Variants in XIRP2 observed in about 807,000 individuals in gnomAD.
XIRP2 encodes xin actin-binding repeat-containing protein 2.
Under a neutral mutation model 277.0 loss-of-function variants are expected in XIRP2, and 236 were observed. The observed-to-expected ratio is 0.85, with a 90% CI of 0.77 to 0.95. The LOEUF (loss-of-function observed/expected upper bound fraction) is 0.95. Among genes scored for constraint, XIRP2 ranks in the 40% least tolerant of loss-of-function variants. XIRP2 has a pLI of 0.00. For synonymous variants in XIRP2, 1,490 were observed against 1,416.5 expected (o/e 1.05, Z -1.17); for missense variants, 4,640 against 4,157.5 (o/e 1.12, Z -3.19).
Position 167,218,158 on chromosome 2 carries a change from C to A in XIRP2, c.724-8C>A. Reference sequence around the variant, plus strand: ...AGCTGAATTTTCCTTTTTCTTAAATCATCCTAGATGATGGAAGAATCAGAA... The same window carrying A: ...AGCTGAATTTTCCTTTTTCTTAAATAATCCTAGATGATGGAAGAATCAGAA... On this transcript the variant is annotated splice_polypyrimidine_tract_variant and splice_region_variant and intron_variant, in intron 4 of 10. Coordinates refer to ENST00000409195, the MANE Select transcript of XIRP2 (RefSeq NM_152381.6). 1 of 1,548,146 alleles carries A rather than the reference C, an allele frequency of 6.5e-7. No individual in the cohort carries two copies. Among genetic ancestry groups the A allele is most frequent in the East Asian group, 2.3e-5 (1 of 43,758 alleles).
At chr2:166,895,636 T>C (rs956947154) in intron 1 of XIRP2, among the ~76,000 whole-genome samples, 3 of 152,200 alleles carry the variant, frequency 2.0e-5, no homozygotes, top group African/African-American at 7.2e-5. Flanking sequence ...GATATTCATT[T>C]CAGCTGAATC....
intron 2 of XIRP2, among the ~76,000 whole-genome samples, chr2:166,953,368 C>G (rs1272782691): frequency 6.6e-6 from 1 of 151,868 alleles, no homozygotes; most frequent in African/African-American, 2.4e-5. Flanking sequence ...ATAAGTCTCA[C>G]AAGATCTGGT....
At chr2:167,113,196 T>C (rs985791941) in intron 2 of XIRP2, among the ~76,000 whole-genome samples, 4 of 152,088 alleles carry the variant, frequency 2.6e-5, no homozygotes, top group Non-Finnish European at 5.9e-5. Context: ...AAGTCCTGAG[T>C]ATCTTTGTTA....
chr2:167,190,908 A>G (rs770641862), intron 3 of XIRP2, among the ~76,000 whole-genome samples: 1 of 152,178 alleles, frequency 6.6e-6, no homozygotes, highest in South Asian at 2.1e-4. Flanking sequence ...TGTTCCAAAG[A>G]TAAAAGAAAT....
intron 2 of XIRP2, among the ~76,000 whole-genome samples, chr2:167,056,497 A>T (rs544407226): frequency 1.3e-5 from 2 of 152,158 alleles, no homozygotes. Context: ...AGTTTATGCA[A>T]ACTCAGTGTT....
chr2:166,922,760 GA>G (rs1007537051), intron 2 of XIRP2, among the ~76,000 whole-genome samples: 37 of 131,288 alleles, frequency 2.8e-4, no homozygotes, highest in Non-Finnish European at 4.0e-4. Context: ...CATCTCAAAA[GA>G]AAAAAAAAAG....
intron 2 of XIRP2, among the ~76,000 whole-genome samples, chr2:167,108,219 T>C (rs767982415): frequency 5.9e-5 from 9 of 151,952 alleles, no homozygotes; most frequent in Non-Finnish European, 8.8e-5. Flanking sequence ...CCGTTCTTAG[T>C]AATTTTGTGT....
At chr2:167,109,483 G>T in intron 2 of XIRP2, among the ~76,000 whole-genome samples, 1 of 152,152 alleles carries the variant, frequency 6.6e-6, no homozygotes, top group East Asian at 1.9e-4. Context: ...GTTTCTCCAT[G>T]TTGGCCAAGC....
At chr2:166,911,772 G>A (rs186232456) in intron 2 of XIRP2, among the ~76,000 whole-genome samples, 3,458 of 152,220 alleles carry the variant, frequency 0.023, 54 homozygotes, top group Non-Finnish European at 0.036. Flanking sequence ...CATGTTTAGT[G>A]CTTCCTTCAG....
intron 2 of XIRP2, among the ~76,000 whole-genome samples, chr2:167,017,607 C>G (rs1687866861): frequency 6.6e-6 from 1 of 151,958 alleles, no homozygotes; most frequent in East Asian, 1.9e-4. Flanking sequence ...GTAGGAAAGG[C>G]ACAAAGGACT....
chr2:167,247,938 T>A lies in XIRP2; in HGVS notation c.6546T>A (p.Phe2182Leu). 2 of 1,610,610 alleles carry A rather than the reference T, an allele frequency of 1.2e-6. No homozygotes were observed. The highest frequency in any genetic ancestry group is 2.7e-5 in the African/African-American group (2 of 74,640). ...VGGTYDLSGD[F>L]QKQTLLKQET... Reference sequence around the variant, plus strand: ...GAACTTACGACCTTTCAGGGGACTTTCAGAAGCAAACTTTGTTAAAGCAAG... The same window carrying A: ...GAACTTACGACCTTTCAGGGGACTTACAGAAGCAAACTTTGTTAAAGCAAG... Residue 2182 changes from phenylalanine (F) to leucine (L), a missense_variant, in exon 9 of 11, where the codon TTT becomes TTA. Coordinates refer to ENST00000409195, the MANE Select transcript of XIRP2 (RefSeq NM_152381.6).
At chr2:167,073,733 T>G (rs1689493634) in intron 2 of XIRP2, among the ~76,000 whole-genome samples, 1 of 152,162 alleles carries the variant, frequency 6.6e-6, no homozygotes, top group South Asian at 2.1e-4. Flanking sequence ...CTCACAAATA[T>G]GAAATACTTT....
At chr2:167,040,463 C>A (rs563025843) in intron 2 of XIRP2, among the ~76,000 whole-genome samples, 1 of 152,066 alleles carries the variant, frequency 6.6e-6, no homozygotes, top group Non-Finnish European at 1.5e-5. Flanking sequence ...ATCTTAGGAA[C>A]ACCAGCTGCA....
chr2:166,912,214 G>T (rs894541418), intron 2 of XIRP2, among the ~76,000 whole-genome samples: 3 of 152,154 alleles, frequency 2.0e-5, no homozygotes, highest in African/African-American at 7.2e-5. Flanking sequence ...TTCCAACTTG[G>T]TTCCATTTTC....
chr2:166,906,357 T>C (rs921940547), intron 2 of XIRP2, among the ~76,000 whole-genome samples: 3 of 151,964 alleles, frequency 2.0e-5, no homozygotes, highest in African/African-American at 7.2e-5. Flanking sequence ...TACAAGTAAA[T>C]AGACATACAT....
intron 3 of XIRP2, among the ~76,000 whole-genome samples, chr2:167,202,518 AG>A (rs557369456): frequency 1.3e-3 from 192 of 152,322 alleles, no homozygotes; most frequent in Non-Finnish European, 2.2e-3. Context: ...GGACACTTAG[AG>A]TCTTATCAGG....
rs756514033 is a variant in XIRP2 at position 167,242,902 on chromosome 2, C to T, written c.1510C>T (p.His504Tyr). The T allele has an allele frequency of 4.3e-6, 7 of 1,613,952 alleles. No homozygotes were observed. The South Asian group carries it at 7.7e-5, about 18-fold the overall frequency. ...GTATGAATTAAACCGTTTATATAAA[C>T]ACATCCATCCTGAGTTAAGAAAAAA... The part of the protein sequence containing the change: ...NLYELNRLYK[H>Y]IHPELRKNLE... The change falls in exon 9 of 11, where the codon CAC (histidine) becomes TAC (tyrosine). Residue 504 changes from histidine (H) to tyrosine (Y), a missense_variant. His to Tyr is a moderately conservative substitution (Grantham distance 83). Transcript: ENST00000409195.
intron 2 of XIRP2, among the ~76,000 whole-genome samples, chr2:167,119,010 A>C (rs1218244405): frequency 6.6e-6 from 1 of 152,160 alleles, no homozygotes; most frequent in African/African-American, 2.4e-5. Context: ...TGAGTTGGAA[A>C]CTGAGATATG....
chr2:166,905,967 A>T (rs1003175947), intron 2 of XIRP2, among the ~76,000 whole-genome samples: 19 of 152,088 alleles, frequency 1.2e-4, no homozygotes, highest in African/African-American at 4.6e-4. Context: ...TCATGTGACT[A>T]CTTTATATTA....
Sources: allele counts gnomAD v4.1 joint callset (sites outside exome capture counted in the v4.1 genomes callset), GRCh38; gene constraint gnomAD v4.1.1; transcripts MANE v1.5; gene names NCBI Gene and HGNC (gene_info 2026-07-23, HGNC 2026-07-21).